The following EBF2 variants were observed in gnomAD, a reference collection of about 807,000 sequenced individuals.
EBF2 encodes the protein transcription factor COE2.
Under a neutral mutation model 72.8 loss-of-function variants are expected in EBF2, and 21 were observed. The ratio of observed to expected loss-of-function variants is 0.29; its 90% CI spans 0.20 to 0.42. The LOEUF (loss-of-function observed/expected upper bound fraction) is 0.42. EBF2 is among the 10% of genes least tolerant of loss of function. The pLI is 1.00. For missense variants in EBF2, 637 were observed against 731.2 expected (o/e 0.87, Z 1.49); for synonymous variants, 299 against 274.2 (o/e 1.09, Z -0.89).
intron 13 of EBF2, 78 bp from the exon 14 acceptor site, chr8:25,858,582 T>C (rs1341310899): frequency 1.4e-6 from 2 of 1,466,530 alleles, no homozygotes; most frequent in East Asian, 4.6e-5. Context: ...CAGGTCCTCA[T>C]TGGCCCCAGA....
At chr8:26,024,866 A>G (rs1400361459) in intron 6 of EBF2, among the ~76,000 whole-genome samples, 2 of 152,208 alleles carry the variant, frequency 1.3e-5, no homozygotes, top group African/African-American at 4.8e-5. Context: ...CACACAGCTA[A>G]TAAATATTGG....
intron 10 of EBF2, among the ~76,000 whole-genome samples, chr8:25,883,263 T>C (rs2117285899): frequency 6.6e-6 from 1 of 152,338 alleles, no homozygotes; most frequent in African/African-American, 2.4e-5. Flanking sequence ...GGCAAATTCC[T>C]ATTTCGCTTC....
chr8:25,882,166 G>C (rs532771119), intron 10 of EBF2, among the ~76,000 whole-genome samples: 11 of 152,226 alleles, frequency 7.2e-5, no homozygotes, highest in Admixed American at 3.3e-4. Context: ...TGGGGCTTCA[G>C]CTGTAAAATT....
intron 13 of EBF2, among the ~76,000 whole-genome samples, chr8:25,859,090 T>A (rs1358342949): frequency 2.0e-5 from 3 of 152,138 alleles, no homozygotes; most frequent in Non-Finnish European, 2.9e-5. Flanking sequence ...CAGTGTGGAG[T>A]TCCCTCTCCC....
chr8:25,877,997 C>G lies in EBF2; in HGVS notation c.1009+8758G>C, dbSNP rs181672256. ...ATGATCAGCCAAATTAGGGAAACAC[C>G]TTTGGGTAACAGCATAATTGGCACC... On this transcript the variant is annotated intron_variant, in intron 10 of 15. Coordinates refer to ENST00000520164, the MANE Select transcript of EBF2 (RefSeq NM_022659.4). Among the ~76,000 whole-genome samples, 14 of 152,210 alleles carry G rather than the reference C, an allele frequency of 9.2e-5. No homozygotes were observed. The East Asian group carries it at 2.7e-3, about 29-fold the overall frequency.
chr8:25,994,312 G>C (rs1489606304), intron 6 of EBF2, among the ~76,000 whole-genome samples: 1 of 152,064 alleles, frequency 6.6e-6, no homozygotes, highest in African/African-American at 2.4e-5. Context: ...CAGAAGAAAA[G>C]AATAGGAATG....
intron 6 of EBF2, among the ~76,000 whole-genome samples, chr8:25,967,462 G>C (rs1804132824): frequency 1.3e-5 from 2 of 152,188 alleles, no homozygotes; most frequent in Non-Finnish European, 2.9e-5. Flanking sequence ...AATGTGTACA[G>C]AACACTTACA....
chr8:25,887,802 G>A, intron 9 of EBF2, 40 bp downstream of exon 9: 13 of 1,494,482 alleles, frequency 8.7e-6, no homozygotes, highest in Non-Finnish European at 1.2e-5. Flanking sequence ...ACAATCTTTG[G>A]GCAAAAGGAA....
chr8:26,002,928 A>AGGCAGGCG (rs1804764130), intron 6 of EBF2, among the ~76,000 whole-genome samples: 1 of 10,092 alleles, frequency 9.9e-5, no homozygotes, highest in Non-Finnish European at 3.4e-4. Context: ...GCAGGCGGGC[A>AGGCAGGCG]GGCAGGCAGG....
intron 9 of EBF2, among the ~76,000 whole-genome samples, chr8:25,887,516 C>A (rs1244074062): frequency 6.6e-6 from 1 of 152,060 alleles, no homozygotes; most frequent in Non-Finnish European, 1.5e-5. Flanking sequence ...TGTTATATAA[C>A]TAGATTTTAC....
At chr8:25,934,845 T>C (rs1272037207) in intron 6 of EBF2, among the ~76,000 whole-genome samples, 1 of 151,766 alleles carries the variant, frequency 6.6e-6, no homozygotes, top group African/African-American at 2.4e-5. Context: ...TACGGCGCCA[T>C]TGCCAAAAAC....
chr8:25,965,092 T>A (rs1193983385), intron 6 of EBF2, among the ~76,000 whole-genome samples: 2 of 152,184 alleles, frequency 1.3e-5, no homozygotes, highest in Non-Finnish European at 2.9e-5. Flanking sequence ...AAAACATATA[T>A]ATACACATAT....
At chr8:25,999,882 C>CCCATCT (rs1804695439) in intron 6 of EBF2, among the ~76,000 whole-genome samples, 1 of 152,104 alleles carries the variant, frequency 6.6e-6, no homozygotes, top group Non-Finnish European at 1.5e-5. Flanking sequence ...TGGCTCAAAA[C>CCCATCT]CCATCTCCAC....
chr8:26,006,292 G>A (rs1325454761), intron 6 of EBF2, among the ~76,000 whole-genome samples: 2 of 152,138 alleles, frequency 1.3e-5, no homozygotes, highest in African/African-American at 2.4e-5. Flanking sequence ...ACATTTTACA[G>A]AGTAGTATCT....
chr8:25,950,859 A>C (rs1029908987), intron 6 of EBF2, among the ~76,000 whole-genome samples: 5 of 152,192 alleles, frequency 3.3e-5, no homozygotes, highest in African/African-American at 4.8e-5. Context: ...CAGTTTTAAC[A>C]CAAATTGATA....
intron 6 of EBF2, among the ~76,000 whole-genome samples, chr8:25,942,520 A>G (rs911893292): frequency 6.6e-6 from 1 of 152,176 alleles, no homozygotes; most frequent in African/African-American, 2.4e-5. Flanking sequence ...TATCCCCCTT[A>G]TGGAGAGGCT....
chr8:25,872,512 A>T (rs1802456988), intron 10 of EBF2, among the ~76,000 whole-genome samples: 1 of 152,172 alleles, frequency 6.6e-6, no homozygotes. Flanking sequence ...TCTGTGCATT[A>T]TCTGCAGAAA....
Position 25,861,187 on chromosome 8 carries a change from G to C in EBF2, c.1204C>G (p.Leu402Val). The C allele has an allele frequency of 6.2e-7, 1 of 1,613,888 alleles. No individual in the cohort carries two copies. The highest frequency in any genetic ancestry group is 8.5e-7 in the Non-Finnish European group (1 of 1,179,848). Reference sequence around the variant, plus strand: ...CTGGGATTCCTGGGGACGCTGTAGAGAGCTTCAGCAATGTCTGCGGCTCGC... The same window carrying C: ...CTGGGATTCCTGGGGACGCTGTAGACAGCTTCAGCAATGTCTGCGGCTCGC... ...LKRAADIAEA[L>V]YSVPRNPSQL... Residue 402 changes from leucine (L) to valine (V), a missense_variant, in exon 13 of 16, where the codon CTC (leucine) becomes GTC (valine). Leu to Val is a conservative substitution (Grantham distance 32). Around this residue, in one of 3 missense-constraint regions of EBF2, gnomAD observed 259 missense variants for 268.1 expected, o/e 0.97. Transcript: ENST00000520164.
At chr8:25,955,383 T>C (rs1803929182) in intron 6 of EBF2, among the ~76,000 whole-genome samples, 1 of 152,136 alleles carries the variant, frequency 6.6e-6, no homozygotes. Context: ...CCTTGAGAAT[T>C]AGAGGAGAGG....
Sources: allele counts gnomAD v4.1 joint callset (sites outside exome capture counted in the v4.1 genomes callset), GRCh38; gene constraint gnomAD v4.1.1; regional missense constraint gnomAD v4.1.1; transcripts MANE v1.5; gene names NCBI Gene and HGNC (gene_info 2026-07-23, HGNC 2026-07-21).